CWC22: variants seen among roughly 807,000 people sequenced by gnomAD.
CWC22 encodes pre-mRNA-splicing factor CWC22 homolog.
CWC22 carries 53 observed loss-of-function variants against 117.2 expected under a neutral mutation model. The ratio of observed to expected loss-of-function variants is 0.45; its 90% CI spans 0.36 to 0.57. CWC22 has a LOEUF of 0.57. Ranked by LOEUF, CWC22 falls within the 20% of genes least tolerant of loss-of-function variation. The pLI, the probability that CWC22 is intolerant of heterozygous loss-of-function variation, is 0.00. For missense variants in CWC22, 980 were observed against 1,068.8 expected (o/e 0.92, Z 1.16); for synonymous variants, 360 against 355.6 (o/e 1.01, Z -0.14).
chr2:179,993,571 T>C, intron 1 of CWC22, 117 bp from the exon 2 acceptor site: 1 of 472,314 alleles, frequency 2.1e-6, no homozygotes. Flanking sequence ...CATAAACAAA[T>C]ATAATAAAAA....
At chr2:179,949,577 G>A (rs1186032408) in intron 19 of CWC22, among the ~76,000 whole-genome samples, 6 of 152,214 alleles carry the variant, frequency 3.9e-5, no homozygotes, top group African/African-American at 1.4e-4. Flanking sequence ...TGGCCGGTGG[G>A]AGTGTAAATA....
intron 4 of CWC22, among the ~76,000 whole-genome samples, chr2:179,985,820 G>A (rs1687405096): frequency 6.6e-6 from 1 of 151,020 alleles, no homozygotes; most frequent in East Asian, 1.9e-4. Context: ...AAAAAACATA[G>A]TATATATATA....
chr2:179,956,082 T>C (rs924636778), intron 14 of CWC22, among the ~76,000 whole-genome samples: 7 of 151,982 alleles, frequency 4.6e-5, no homozygotes, highest in Non-Finnish European at 1.0e-4. Context: ...ATGAACAATT[T>C]TGACATTTTG....
intron 5 of CWC22, among the ~76,000 whole-genome samples, chr2:179,980,890 G>A (rs1231349886): frequency 4.6e-5 from 7 of 151,966 alleles, no homozygotes; most frequent in Non-Finnish European, 1.0e-4. Flanking sequence ...TTCAATCTGG[G>A]ACCATACATT....
chr2:179,981,872 T>C lies in CWC22; in HGVS notation c.332A>G (p.Asp111Gly). 6.2e-7 allele frequency: 1 copy of C among 1,612,728 alleles called. No homozygotes were observed. The highest frequency in any genetic ancestry group is 8.5e-7 in the Non-Finnish European group (1 of 1,179,272). Residue 111 changes from aspartate (D) to glycine (G), a missense_variant, in exon 5 of 20, where the codon GAT becomes GGT. Physicochemically the swap from Asp to Gly is moderately conservative, Grantham distance 94. Coordinates refer to ENST00000410053, the MANE Select transcript of CWC22 (RefSeq NM_020943.3). Reference sequence around the variant, plus strand: ...TTTCTTTTTCTTTGTAGCAGGTTCATCCTGAGCAGAGGAACTCTGAGTTAC... The same window carrying C: ...TTTCTTTTTCTTTGTAGCAGGTTCACCCTGAGCAGAGGAACTCTGAGTTAC... ...TSVTQSSSAQDEPATKKKKDE... is the reference protein window; with the variant it reads ...TSVTQSSSAQGEPATKKKKDE...
chr2:179,964,470 C>CT, intron 13 of CWC22, 77 bp downstream of exon 13: 1 of 743,554 alleles, frequency 1.3e-6, no homozygotes, highest in South Asian at 1.8e-5. Context: ...TTATGAGACC[C>CT]TAAAATGTAT....
chr2:179,990,542 CAGACAGAG>C (rs1157749499), intron 2 of CWC22, among the ~76,000 whole-genome samples: 3 of 64,704 alleles, frequency 4.6e-5, no homozygotes, highest in African/African-American at 8.0e-5. Flanking sequence ...GTGAGTGAGA[CAGACAGAG>C]AGAGAGAGAG....
chr2:179,976,692 A>C (rs1687160385), intron 6 of CWC22, among the ~76,000 whole-genome samples: 1 of 152,208 alleles, frequency 6.6e-6, no homozygotes, highest in African/African-American at 2.4e-5. Context: ...ACAAATTAAA[A>C]CCACAATGAG....
intron 14 of CWC22, among the ~76,000 whole-genome samples, chr2:179,958,483 G>A (rs980846253): frequency 1.3e-4 from 20 of 151,906 alleles, no homozygotes; most frequent in Non-Finnish European, 2.6e-4. Flanking sequence ...CAGGCTGCAT[G>A]CAGTCCAGGA....
chr2:179,969,553 T>A (rs1442948691), intron 11 of CWC22, among the ~76,000 whole-genome samples: 1 of 152,228 alleles, frequency 6.6e-6, no homozygotes, highest in Non-Finnish European at 1.5e-5. Context: ...CTGGTCTTTA[T>A]GTTAAAAGCA....
intron 5 of CWC22, 88 bp from the exon 6 acceptor site, chr2:179,978,406 AT>A: frequency 1.6e-6 from 2 of 1,282,454 alleles, no homozygotes; most frequent in Non-Finnish European, 2.0e-6. Flanking sequence ...GTGCTCCTTA[AT>A]TTTTGACATT....
At chr2:179,955,500 A>G (rs964378543) in intron 14 of CWC22, among the ~76,000 whole-genome samples, 1 of 152,052 alleles carries the variant, frequency 6.6e-6, no homozygotes, top group Non-Finnish European at 1.5e-5. Context: ...TAGTCTTTAC[A>G]GAGGCATAAG....
chr2:179,973,055 T>C, intron 8 of CWC22, 138 bp downstream of exon 8: 1 of 430,154 alleles, frequency 2.3e-6, no homozygotes, highest in East Asian at 3.7e-5. Context: ...ATTATAGTTT[T>C]AAAATGAAAA....
At chr2:179,954,011 G>T (rs1221771543) in intron 16 of CWC22, among the ~76,000 whole-genome samples, 194 bp downstream of exon 16, 1 of 152,042 alleles carries the variant, frequency 6.6e-6, no homozygotes, top group Non-Finnish European at 1.5e-5. Context: ...ATAATACAAA[G>T]ATAGTATTTC....
intron 14 of CWC22, among the ~76,000 whole-genome samples, chr2:179,957,599 T>G (rs1301675187): frequency 6.6e-6 from 1 of 152,164 alleles, no homozygotes; most frequent in Non-Finnish European, 1.5e-5. Context: ...CACATAAACA[T>G]TTTTAAAGGC....
At chr2:179,963,082 T>G (rs1291950576) in intron 13 of CWC22, among the ~76,000 whole-genome samples, 1 of 152,054 alleles carries the variant, frequency 6.6e-6, no homozygotes, top group East Asian at 1.9e-4. Flanking sequence ...ATGCTTTAAT[T>G]TTTCAAGTCC....
chr2:179,982,865 G>C (rs1175465750), intron 4 of CWC22, among the ~76,000 whole-genome samples: 1 of 151,972 alleles, frequency 6.6e-6, no homozygotes, highest in Admixed American at 6.6e-5. Context: ...ATACTGCCTT[G>C]GAAACCCAGA....
chr2:179,989,440 TA>T (rs960124516), intron 2 of CWC22, among the ~76,000 whole-genome samples: 2 of 151,958 alleles, frequency 1.3e-5, no homozygotes, highest in African/African-American at 4.8e-5. Context: ...TAGTACAGGG[TA>T]AAATAGCTGG....
chr2:179,974,530 A>G (rs11885126), intron 6 of CWC22, among the ~76,000 whole-genome samples: 3,524 of 152,322 alleles, frequency 0.023, 138 homozygotes, highest in African/African-American at 0.08. Context: ...AAAAGTCTTA[A>G]TGGTAGTTTT....
Sources: gnomAD v4.1 joint callset for allele counts (sites outside exome capture counted in the v4.1 genomes callset) on GRCh38, gnomAD v4.1.1 for gene constraint, MANE v1.5 for transcripts, NCBI Gene and HGNC (gene_info 2026-07-23, HGNC 2026-07-21) for gene names.